SYTL2: variants seen among roughly 807,000 people sequenced by gnomAD.
SYTL2 encodes synaptotagmin-like protein 2.
SYTL2 carries 165 observed loss-of-function variants against 198.7 expected under a neutral mutation model. The observed-to-expected ratio is 0.83, with a 90% confidence interval of 0.73 to 0.94. SYTL2 has a LOEUF of 0.94. Among genes scored for constraint, SYTL2 ranks in the 40% least tolerant of loss-of-function variants. The probability of loss-of-function intolerance (pLI) is 0.00; values close to 1 mark genes in which losing one functional copy is unlikely to be tolerated. For synonymous variants in SYTL2, 966 were observed against 917.7 expected (o/e 1.05, Z -0.95); for missense variants, 2,835 against 2,582.8 (o/e 1.10, Z -2.12).
intron 11 of SYTL2, 57 bp from the exon 12 acceptor site, chr11:85,714,564 ACAT>A (rs1015544925): frequency 6.3e-7 from 1 of 1,581,358 alleles, no homozygotes; most frequent in African/African-American, 1.3e-5. Flanking sequence ...AAAACATTAG[ACAT>A]TAAGTTGAAA....
chr11:85,726,559 AG>A lies in SYTL2; in HGVS notation c.2798del (p.Pro933LeufsTer19), dbSNP rs1260656480. The A allele has an allele frequency of 6.3e-7, 1 of 1,594,998 alleles. No individual in the cohort carries two copies. Among genetic ancestry groups the A allele is most frequent in the South Asian group, 1.1e-5 (1 of 90,432 alleles). ...RRNITLPALQ[P>X]PSNVGSERHA... ...GTCGTTCACTCCCGACATTTGAGGG[AG>A]GTTGCAGTGCTGGTAAAGTAATGTT... On this transcript the variant is annotated frameshift_variant, in exon 8 of 20. Transcript: ENST00000359152. LOFTEE classifies it high-confidence loss of function.
At chr11:85,815,169 G>A (rs529782845), upstream of SYTL2, among the ~76,000 whole-genome samples, 1 of 152,266 alleles carries the variant, frequency 6.6e-6, no homozygotes, top group Non-Finnish European at 1.5e-5. Flanking sequence ...CTCATAGTAT[G>A]CATGTTACAA....
intron 2 of SYTL2, among the ~76,000 whole-genome samples, chr11:85,754,958 G>T (rs1177706104): frequency 6.6e-6 from 1 of 152,042 alleles, no homozygotes; most frequent in Non-Finnish European, 1.5e-5. Context: ...TGTGGCCCTG[G>T]GCAAGTCATT....
intron 1 of SYTL2, among the ~76,000 whole-genome samples, chr11:85,806,475 C>G (rs1314578131): frequency 6.6e-6 from 1 of 152,200 alleles, no homozygotes; most frequent in Non-Finnish European, 1.5e-5. Context: ...ATTTTTTAAA[C>G]CTGCTTTCAT....
intron 1 of SYTL2, among the ~76,000 whole-genome samples, chr11:85,789,340 G>GTATATA (rs56956411): frequency 1.3e-4 from 8 of 62,508 alleles, no homozygotes; most frequent in Non-Finnish European, 2.2e-4. Context: ...GTGTGTGTGT[G>GTATATA]TATATATATA....
At chr11:85,803,327 C>T (rs1057394029) in intron 1 of SYTL2, among the ~76,000 whole-genome samples, 37 of 152,194 alleles carry the variant, frequency 2.4e-4, no homozygotes, top group African/African-American at 7.5e-4. Context: ...TCAAGTTCTT[C>T]AGTATATTCC....
At chr11:85,787,920 G>A (rs1566024249) in intron 1 of SYTL2, among the ~76,000 whole-genome samples, 1 of 152,060 alleles carries the variant, frequency 6.6e-6, no homozygotes, top group Non-Finnish European at 1.5e-5. Flanking sequence ...GGCTGGGAAT[G>A]CCCTAGTCTG....
At chr11:85,722,393 C>T (rs1167076637) in intron 8 of SYTL2, among the ~76,000 whole-genome samples, 1 of 151,998 alleles carries the variant, frequency 6.6e-6, no homozygotes, top group Non-Finnish European at 1.5e-5. Flanking sequence ...CCAGGATGGT[C>T]TCGATATCCT....
At chr11:85,799,402 T>C (rs2092851368) in intron 1 of SYTL2, among the ~76,000 whole-genome samples, 1 of 152,196 alleles carries the variant, frequency 6.6e-6, no homozygotes, top group Non-Finnish European at 1.5e-5. Flanking sequence ...CCTGCCATGA[T>C]GAACCAGGAA....
intron 7 of SYTL2, among the ~76,000 whole-genome samples, chr11:85,733,328 CTTGAT>C (rs1034736638): frequency 1.3e-5 from 2 of 152,234 alleles, no homozygotes; most frequent in African/African-American, 4.8e-5. Flanking sequence ...TCTATTCCAC[CTTGAT>C]TTAACTAAAA....
intron 1 of SYTL2, among the ~76,000 whole-genome samples, chr11:85,803,466 A>T (rs2092918560): frequency 1.3e-5 from 2 of 151,812 alleles, no homozygotes; most frequent in African/African-American, 4.8e-5. Context: ...TAAGTGGCTG[A>T]CTCCTTAGGC....
chr11:85,707,676 A>G, intron 14 of SYTL2, 145 bp from the exon 15 acceptor site: 1 of 617,598 alleles, frequency 1.6e-6, no homozygotes, highest in East Asian at 2.7e-5. Context: ...TTTTCCTACC[A>G]ATACCTTTAT....
chr11:85,779,887 C>G (rs1439766898), intron 1 of SYTL2, among the ~76,000 whole-genome samples: 1 of 152,216 alleles, frequency 6.6e-6, no homozygotes, highest in East Asian at 1.9e-4. Context: ...AGAAAGAACA[C>G]TGTCCAGGGA....
Position 85,704,929 on chromosome 11 carries a change from G to A in SYTL2, c.6118C>T (p.Leu2040Phe), listed in dbSNP as rs1302182388. 1 of 1,613,636 alleles carries A rather than the reference G, an allele frequency of 6.2e-7. No individual in the cohort carries two copies. The highest frequency in any genetic ancestry group is 1.3e-5 in the African/African-American group (1 of 75,008). The part of the protein sequence containing the change: ...KRNSFLGEVE[L>F]DLETWDWDNK... The stretch of plus-strand genomic sequence containing the variant: ...TCCCAGTCCCATGTTTCCAAATCAA[G>A]TTCCACCTCCCCTAGGAAACTATTG... The change falls in exon 16 of 20, where the codon CTT (leucine) becomes TTT (phenylalanine). Residue 2040 changes from leucine (L) to phenylalanine (F), a missense_variant. This residue lies in a region of SYTL2 where 2,645 missense variants were observed against 2,381.7 expected (regional missense o/e 1.11). Coordinates refer to ENST00000359152, the MANE Select transcript of SYTL2 (RefSeq NM_206927.4).
intron 1 of SYTL2, among the ~76,000 whole-genome samples, chr11:85,775,665 T>C (rs1375556337): frequency 6.6e-6 from 1 of 152,146 alleles, no homozygotes; most frequent in African/African-American, 2.4e-5. Flanking sequence ...GTATTTTTAC[T>C]AAGACGGGTT....
chr11:85,739,771 T>C (rs948472146), intron 4 of SYTL2, among the ~76,000 whole-genome samples: 2 of 152,096 alleles, frequency 1.3e-5, no homozygotes, highest in Non-Finnish European at 2.9e-5. Context: ...TGTTACAAAA[T>C]TGGCAAAAGA....
chr11:85,814,227 C>A (rs1431649028), upstream of SYTL2, among the ~76,000 whole-genome samples: 1 of 152,204 alleles, frequency 6.6e-6, no homozygotes, highest in Non-Finnish European at 1.5e-5. Flanking sequence ...CCTCTCTGCA[C>A]CCCAGTTTTC....
Position 85,705,020 on chromosome 11 carries a change from A to C in SYTL2, c.6027T>G (p.Ile2009Met), listed in dbSNP as rs2084910308. 1 of 1,609,588 alleles carries C rather than the reference A, an allele frequency of 6.2e-7. No homozygotes were observed. The highest frequency in any genetic ancestry group is 1.3e-5 in the African/African-American group (1 of 74,802). The change falls in exon 16 of 20, where the codon ATT (isoleucine) becomes ATG (methionine). Residue 2009 changes from isoleucine to methionine, a missense_variant. Around this residue, in one of 3 missense-constraint regions of SYTL2, gnomAD observed 2,645 missense variants for 2,381.7 expected, o/e 1.11. Coordinates refer to ENST00000359152, the MANE Select transcript of SYTL2 (RefSeq NM_206927.4). ...PVYNEILRYKIEKQILKTQKL... is the reference protein window; with the variant it reads ...PVYNEILRYKMEKQILKTQKL... ...TCTGTGTCTTTAAGATTTGTTTTTC[A>C]ATTTTATACTGAAGTTCAAAGAAGA... is the stretch of plus-strand genomic sequence containing the variant.
rs147226965 is a variant in SYTL2 at position 85,698,040 on chromosome 11, C to A, written c.6307G>T (p.Val2103Leu). Residue 2103 changes from valine to leucine, a missense_variant, in exon 18 of 20, where the codon GTG becomes TTG. Val to Leu is a conservative substitution (Grantham distance 32). Transcript: ENST00000359152. ...AGTGGTAGATCAAGGCATTCCTTCA[C>A]CCAGATGTGCACTTCTCCAGTTGTA... is the stretch of plus-strand genomic sequence containing the variant. ...LPTTGEVHIW[V>L]KECLDLPLLR... 6 of 1,613,700 alleles carry A rather than the reference C, an allele frequency of 3.7e-6. No individual in the cohort carries two copies. The highest frequency in any genetic ancestry group is 1.3e-5 in the African/African-American group (1 of 74,876).
Sources: allele counts gnomAD v4.1 joint callset (sites outside exome capture counted in the v4.1 genomes callset), GRCh38; gene constraint gnomAD v4.1.1; regional missense constraint gnomAD v4.1.1; transcripts MANE v1.5; gene names NCBI Gene and HGNC (gene_info 2026-07-23, HGNC 2026-07-21).